CSMD1: variants seen among roughly 807,000 people sequenced by gnomAD.
CSMD1 encodes CUB and Sushi multiple domains 1, also known as CUB and sushi domain-containing protein 1.
A neutral mutation model predicts 417.5 loss-of-function variants in CSMD1; 213 were observed. That is an observed-to-expected ratio of 0.51 (90% confidence interval 0.46 to 0.57). The LOEUF (loss-of-function observed/expected upper bound fraction) is 0.57, where lower values mean the gene tolerates loss of function less well. Among genes scored for constraint, CSMD1 ranks in the 20% least tolerant of loss-of-function variants. The pLI, the probability that CSMD1 is intolerant of heterozygous loss-of-function variation, is 0.00. For synonymous variants in CSMD1, 2,862 were observed against 1,736.8 expected (o/e 1.65, Z -16.11); for missense variants, 6,923 against 4,529.7 (o/e 1.53, Z -15.17).
chr8:4,701,451 G>T (rs1006858455), intron 1 of CSMD1, among the ~76,000 whole-genome samples: 2 of 151,938 alleles, frequency 1.3e-5, no homozygotes. Context: ...CTGATGGGGA[G>T]GGGCCATGCA....
intron 5 of CSMD1, among the ~76,000 whole-genome samples, chr8:3,984,396 A>C (rs986539915): frequency 1.3e-5 from 2 of 152,184 alleles, no homozygotes; most frequent in African/African-American, 4.8e-5. Flanking sequence ...TTTCAATTCT[A>C]AACTGGTGAG....
rs1016141055 is a variant in CSMD1 at position 4,029,386 on chromosome 8, C to A, written c.610+2519G>T. ...ATACAGTTCTATATGGCTGGGGAAGCCTCACAATCATGGTGGAAGGCAAGG... is the reference window on the plus strand; with the variant it reads ...ATACAGTTCTATATGGCTGGGGAAGACTCACAATCATGGTGGAAGGCAAGG... On this transcript the variant is annotated intron_variant, in intron 4 of 69. Transcript: ENST00000635120. Among the ~76,000 whole-genome samples, 8 of 152,232 alleles carry A rather than the reference C, an allele frequency of 5.3e-5. No homozygotes were observed. The South Asian group carries it at 1.7e-3, about 32-fold the overall frequency.
chr8:4,222,117 A>C (rs917447664), intron 3 of CSMD1, among the ~76,000 whole-genome samples: 3 of 148,816 alleles, frequency 2.0e-5, no homozygotes, highest in Non-Finnish European at 4.5e-5. Context: ...AAAAAAAAAA[A>C]CAGAAGCAAG....
chr8:3,407,037 G>A (rs1812385406), intron 14 of CSMD1, among the ~76,000 whole-genome samples: 1 of 152,124 alleles, frequency 6.6e-6, no homozygotes, highest in Admixed American at 6.6e-5. Context: ...ATAGAAGGAA[G>A]AAAGGAAGAA....
In CSMD1 at chr8:3,264,043, C is replaced by T. The variant is rs1231536021; in HGVS notation, c.4153+20101G>A. On this transcript the variant is annotated intron_variant, in intron 26 of 69. Coordinates refer to ENST00000635120, the MANE Select transcript of CSMD1 (RefSeq NM_033225.6). ...GAGACTTCAGTTTTTTTCATAGTAA[C>T]AATGAAACGAAATTTGAAAATTCAA... is the stretch of plus-strand genomic sequence containing the variant. Among the ~76,000 whole-genome samples the T allele has an allele frequency of 2.0e-5, 3 of 152,008 alleles. No homozygotes were observed. The South Asian group carries it at 6.2e-4, about 32-fold the overall frequency.
chr8:2,962,666 A>G, intron 60 of CSMD1, 27 bp from the exon 61 acceptor site: 2 of 1,606,560 alleles, frequency 1.2e-6, no homozygotes, highest in Non-Finnish European at 1.7e-6. Context: ...GGAAGAAGTC[A>G]GCCTTCAACG....
At chr8:4,042,469 A>C (rs1247013589) in intron 3 of CSMD1, among the ~76,000 whole-genome samples, 1 of 152,124 alleles carries the variant, frequency 6.6e-6, no homozygotes. Flanking sequence ...TTGCAATATC[A>C]CAGGGTAGAG....
intron 54 of CSMD1, among the ~76,000 whole-genome samples, chr8:2,995,109 G>T (rs529011358): frequency 5.9e-5 from 9 of 152,166 alleles, no homozygotes; most frequent in Admixed American, 5.9e-4. Flanking sequence ...AAAGTCAAAC[G>T]AGAGACTGGG....
chr8:4,320,501 C>T (rs546374719), intron 3 of CSMD1, among the ~76,000 whole-genome samples: 24 of 152,176 alleles, frequency 1.6e-4, no homozygotes, highest in African/African-American at 4.8e-4. Context: ...AATGCTATTC[C>T]TCCCCTAGAC....
intron 49 of CSMD1, among the ~76,000 whole-genome samples, chr8:3,074,106 T>C (rs539579246): frequency 6.6e-6 from 1 of 152,258 alleles, no homozygotes; most frequent in South Asian, 2.1e-4. Flanking sequence ...GTGGCAGAAA[T>C]ACGTTTCTTG....
chr8:4,395,547 G>A lies in CSMD1; in HGVS notation c.415+24406C>T, dbSNP rs750648733. Among the ~76,000 whole-genome samples the A allele has an allele frequency of 3.4e-4, 51 of 150,986 alleles. 1 individual carries two copies. The highest frequency in any genetic ancestry group is 7.3e-4 in the African/African-American group (30 of 41,188). On this transcript the variant is annotated intron_variant, in intron 3 of 69. Coordinates refer to ENST00000635120, the MANE Select transcript of CSMD1 (RefSeq NM_033225.6). ...ACCTACTGTTTTTTTTTTGCCTGTC[G>A]TGGAGCTATAACTATCTGAAAGAAA...
chr8:4,536,536 G>A (rs1786733459), intron 2 of CSMD1, among the ~76,000 whole-genome samples: 2 of 152,100 alleles, frequency 1.3e-5, no homozygotes, highest in South Asian at 2.1e-4. Flanking sequence ...ATTGTATACA[G>A]AGATATTGCA....
chr8:4,716,251 C>G (rs1356946321), intron 1 of CSMD1, among the ~76,000 whole-genome samples: 1 of 152,196 alleles, frequency 6.6e-6, no homozygotes, highest in Non-Finnish European at 1.5e-5. Flanking sequence ...CCTTACACTT[C>G]AAGACAATGC....
chr8:4,090,745 CAT>C (rs962078306), intron 3 of CSMD1, among the ~76,000 whole-genome samples: 1 of 152,064 alleles, frequency 6.6e-6, no homozygotes, highest in African/African-American at 2.4e-5. Flanking sequence ...TAAACCAACA[CAT>C]ATAAAAATTG....
At chr8:3,962,908 T>C (rs1397706165) in intron 5 of CSMD1, among the ~76,000 whole-genome samples, 2 of 152,190 alleles carry the variant, frequency 1.3e-5, no homozygotes, top group Middle Eastern at 3.2e-3. Context: ...ATTATGTCTA[T>C]TTTTTCCACA....
At chr8:3,639,695 C>T (rs962575923) in intron 7 of CSMD1, among the ~76,000 whole-genome samples, 8 of 152,196 alleles carry the variant, frequency 5.3e-5, no homozygotes, top group African/African-American at 1.2e-4. Context: ...TAAGGCACTA[C>T]GTAAACATCA....
rs1797851038 is a variant in CSMD1, at chr8:4,431,188, T to C, written c.303-11123A>G. Among the ~76,000 whole-genome samples the C allele has an allele frequency of 2.6e-5, 4 of 152,150 alleles. No homozygotes were observed. In the South Asian group the frequency reaches 6.2e-4, roughly 24 times the overall value. ...AGGGAGGGGAGTAGGTAGTGACCCC[T>C]AGAGTTTATTCCAGGTCTGTTTTCA... On this transcript the variant is annotated intron_variant, in intron 2 of 69. Coordinates refer to ENST00000635120, the MANE Select transcript of CSMD1 (RefSeq NM_033225.6).
chr8:3,879,250 T>A (rs548810157), intron 5 of CSMD1, among the ~76,000 whole-genome samples: 2 of 152,218 alleles, frequency 1.3e-5, no homozygotes, highest in Admixed American at 6.5e-5. Flanking sequence ...TATATAGGAT[T>A]GTATATTACA....
chr8:3,118,704 T>G, intron 41 of CSMD1, 117 bp from the exon 42 acceptor site: 2 of 850,588 alleles, frequency 2.4e-6, no homozygotes, highest in Non-Finnish European at 3.7e-6. Flanking sequence ...ATAAGTTTAA[T>G]AAGGTATATT....
Sources: allele counts gnomAD v4.1 joint callset (sites outside exome capture counted in the v4.1 genomes callset), GRCh38; gene constraint gnomAD v4.1.1; transcripts MANE v1.5; gene names NCBI Gene and HGNC (gene_info 2026-07-23, HGNC 2026-07-21).